Variants in CUX1 observed in about 807,000 individuals in gnomAD.
CUX1 encodes the protein cut like homeobox 1.
CUX1 carries 31 observed loss-of-function variants against 158.8 expected under a neutral mutation model. That is an observed-to-expected ratio of 0.20 (90% CI 0.15 to 0.26). The LOEUF (loss-of-function observed/expected upper bound fraction) is 0.26, where lower values mean the gene tolerates loss of function less well. Among genes scored for constraint, CUX1 ranks in the 10% least tolerant of loss-of-function variants. The probability of loss-of-function intolerance (pLI) is 1.00; values close to 1 mark genes in which losing one functional copy is unlikely to be tolerated. For missense variants in CUX1, 1,589 were observed against 2,014.6 expected, an observed-to-expected ratio of 0.79 and a Z score of 4.04; for synonymous variants, 879 against 862.1, an observed-to-expected ratio of 1.02 and a Z score of -0.34.
chr7:102,233,901 T>G, intron 21 of CUX1, 151 bp from the exon 22 acceptor site: 1 of 477,366 alleles, frequency 2.1e-6, no homozygotes. Context: ...AAGATATATT[T>G]CTACCACATG....
At chr7:102,166,148 G>T (rs1412097031) in intron 9 of CUX1, among the ~76,000 whole-genome samples, 1 of 152,198 alleles carries the variant, frequency 6.6e-6, no homozygotes, top group Non-Finnish European at 1.5e-5. Flanking sequence ...GCATCGGCTT[G>T]TGTGAGCCCC....
rs1406248152 is a variant in CUX1 at position 102,111,787 on chromosome 7, C to T, written c.607+13C>T. The T allele has an allele frequency of 7.5e-5, 121 of 1,610,664 alleles. No homozygotes were observed. Among genetic ancestry groups the T allele is most frequent in the Middle Eastern group, 1.6e-4 (1 of 6,078 alleles). ...AGCCTACAAACAGGTTTGATACTCT[C>T]CTTCCTAGTACCATGGATGTGGGGA... is the stretch of plus-strand genomic sequence containing the variant. On this transcript the variant is annotated intron_variant, in intron 7 of 23. Transcript: ENST00000292535.
intron 6 of CUX1, among the ~76,000 whole-genome samples, chr7:102,107,235 A>AAG (rs1196466716): frequency 6.6e-6 from 1 of 150,480 alleles, no homozygotes; most frequent in Non-Finnish European, 1.5e-5. Context: ...CCTTGTCTCA[A>AAG]AAAAGAAAAG....
intron 22 of CUX1, among the ~76,000 whole-genome samples, chr7:102,235,069 G>A (rs782272705): frequency 2.0e-5 from 3 of 152,216 alleles, no homozygotes; most frequent in Admixed American, 6.5e-5. Flanking sequence ...AGCCTCTGGG[G>A]ATTTGGCCTC....
rs138104340 is a variant in CUX1 at position 102,072,455 on chromosome 7, C to A, written c.268+2038C>A. 1.3e-3 allele frequency among the ~76,000 whole-genome samples: 205 copies of A among 152,302 alleles called. 1 individual carries two copies. The highest frequency in any genetic ancestry group is 4.8e-3 in the African/African-American group (201 of 41,576). On this transcript the variant is annotated intron_variant, in intron 4 of 23. Transcript: ENST00000292535. ...TTACAAAGTTGTACTTCTATGCGAA[C>A]GAAGACTTGGCCCTGCAATCAGTCT...
At chr7:102,233,435 T>C (rs782633841) in intron 21 of CUX1, among the ~76,000 whole-genome samples, 9 of 152,034 alleles carry the variant, frequency 5.9e-5, no homozygotes, top group Non-Finnish European at 7.4e-5. Context: ...CAAATGATCT[T>C]CCCGCTTCAG....
intron 4 of CUX1, among the ~76,000 whole-genome samples, chr7:102,077,918 A>G (rs1408006843): frequency 6.6e-6 from 1 of 151,464 alleles, no homozygotes; most frequent in Non-Finnish European, 1.5e-5. Context: ...TATTTCTACA[A>G]TGGTGGAGAA....
chr7:102,082,033 G>A (rs1827474672), intron 4 of CUX1, among the ~76,000 whole-genome samples: 1 of 146,464 alleles, frequency 6.8e-6, no homozygotes, highest in Admixed American at 6.9e-5. Flanking sequence ...CTGTCAGTAA[G>A]TCCTAGTGAG....
Position 101,837,299 on chromosome 7 carries a change from T to A in CUX1, c.30+19630T>A, listed in dbSNP as rs115409782. Among the ~76,000 whole-genome samples, 1,118 of 152,340 alleles carry A rather than the reference T, an allele frequency of 7.3e-3. 11 individuals are homozygous for A. The highest frequency in any genetic ancestry group is 0.026 in the African/African-American group (1,080 of 41,566). ...CATTAAGCAATTACAATGGTTAATA[T>A]TCACTAAAGTATAATTAGAAGCTGG... On this transcript the variant is annotated intron_variant, in intron 1 of 23. Coordinates refer to ENST00000292535, the MANE Select transcript of CUX1 (RefSeq NM_181552.4).
intron 11 of CUX1, among the ~76,000 whole-genome samples, chr7:102,182,294 T>C (rs1554514206): frequency 9.9e-5 from 15 of 152,176 alleles, no homozygotes; most frequent in Non-Finnish European, 2.2e-4. Flanking sequence ...GCAGAATCTT[T>C]TGTCCTGAGT....
At chr7:101,979,085 A>G (rs185384472) in intron 2 of CUX1, among the ~76,000 whole-genome samples, 7 of 152,322 alleles carry the variant, frequency 4.6e-5, no homozygotes, top group Non-Finnish European at 8.8e-5. Flanking sequence ...AAGAGTGTCC[A>G]TTTAATGAGC....
At position 102,255,729 on chromosome 7, in the gene CUX1, G is replaced by GC. The variant is rs1212390522; in HGVS notation, c.*6688dup. 1 of 985,240 alleles carries GC rather than the reference G, an allele frequency of 1.0e-6. No individual in the cohort carries two copies. Among genetic ancestry groups the GC allele is most frequent in the African/African-American group, 1.7e-5 (1 of 57,220 alleles). 61.0% of individuals were successfully genotyped at this position (985,240 alleles called of 1,614,324 possible). On this transcript the variant is annotated 3_prime_UTR_variant, in exon 24 of 24. Transcript: ENST00000292535. ...TGTGTACGGAAGCATTGGGACTTCT[G>GC]CTGGTGAAACAAGAGACCATTCAGC...
chr7:102,269,550 G>T (rs2960238), intron 14 of CUX1, among the ~76,000 whole-genome samples: 2 of 149,252 alleles, frequency 1.3e-5, no homozygotes, highest in Admixed American at 6.7e-5. Context: ...GGATTACAGG[G>T]GTCCGCCACC....
intron 1 of CUX1, among the ~76,000 whole-genome samples, chr7:101,819,367 C>T (rs1432876498): frequency 6.6e-6 from 1 of 152,238 alleles, no homozygotes; most frequent in African/African-American, 2.4e-5. Flanking sequence ...TGGGACGGGG[C>T]CCGCCAATGA....
chr7:101,889,283 G>GCTC (rs71831149), intron 1 of CUX1, among the ~76,000 whole-genome samples: 1 of 45,750 alleles, frequency 2.2e-5, no homozygotes, highest in Non-Finnish European at 4.6e-5. Flanking sequence ...AAAAAGTGCT[G>GCTC]AGAGAGATCG....
intron 1 of CUX1, among the ~76,000 whole-genome samples, chr7:101,894,609 G>T (rs960085870): frequency 1.3e-5 from 2 of 152,216 alleles, no homozygotes; most frequent in African/African-American, 4.8e-5. Context: ...CCTGCGCCCG[G>T]CCTATGGCGC....
chr7:102,148,120 G>A (rs968697993), intron 8 of CUX1, among the ~76,000 whole-genome samples: 24 of 152,208 alleles, frequency 1.6e-4, no homozygotes, highest in Non-Finnish European at 3.4e-4. Context: ...GGGAATAAAT[G>A]CAACAGAAAC....
Position 101,991,540 on chromosome 7 carries a change from C to T in CUX1, c.142-36558C>T, listed in dbSNP as rs533614584. 2.0e-5 allele frequency among the ~76,000 whole-genome samples: 3 copies of T among 152,134 alleles called. No individual in the cohort carries two copies. The South Asian group carries it at 6.2e-4, about 31-fold the overall frequency. On this transcript the variant is annotated intron_variant, in intron 2 of 23. Coordinates refer to ENST00000292535, the MANE Select transcript of CUX1 (RefSeq NM_181552.4). ...TTGGGTGACCGAGGGGGGTGGATCA[C>T]TTGAGGTCAGGAGTTCCAGACCCAC...
intron 2 of CUX1, among the ~76,000 whole-genome samples, chr7:101,968,400 A>G (rs886834535): frequency 1.3e-5 from 2 of 152,002 alleles, no homozygotes; most frequent in South Asian, 2.1e-4. Context: ...CCCAAGCCAC[A>G]TGGGGTAGGG....
Sources: gnomAD v4.1 joint callset for allele counts (sites outside exome capture counted in the v4.1 genomes callset) on GRCh38, gnomAD v4.1.1 for gene constraint, MANE v1.5 for transcripts, NCBI Gene and HGNC (gene_info 2026-07-23, HGNC 2026-07-21) for gene names.